Variants in RNH1 observed in about 807,000 individuals in gnomAD.
The protein encoded by RNH1 is ribonuclease inhibitor.
Under a neutral mutation model 46.1 loss-of-function variants are expected in RNH1, and 38 were observed. The ratio of observed to expected loss-of-function variants is 0.82; its 90% CI spans 0.64 to 1.08. RNH1 has a LOEUF of 1.08. Among genes scored for constraint, RNH1 ranks in the 50% least tolerant of loss-of-function variants. The probability of loss-of-function intolerance (pLI) is 0.00; values close to 1 mark genes in which losing one functional copy is unlikely to be tolerated. For synonymous variants in RNH1, 319 were observed against 279.1 expected, an observed-to-expected ratio of 1.14 and a Z score of -1.43; for missense variants, 577 against 590.7, an observed-to-expected ratio of 0.98 and a Z score of 0.24.
Position 502,003 on chromosome 11 carries a change from G to A in RNH1, c.101+59C>T. Reference sequence around the variant, plus strand: ...CAGAGCAATGCACCCTTCAGAGGGAGCCGCCACCCGCCAGCCTGCCCCACC... The same window carrying A: ...CAGAGCAATGCACCCTTCAGAGGGAACCGCCACCCGCCAGCCTGCCCCACC... On this transcript the variant is annotated intron_variant, in intron 3 of 10. Transcript: ENST00000354420. This position sits in a 1 kb window ranked among gnomAD's most constrained non-coding sequence, Gnocchi z 5.8. The A allele has an allele frequency of 1.7e-5, 20 of 1,211,484 alleles. No individual in the cohort carries two copies. Among genetic ancestry groups the A allele is most frequent in the Non-Finnish European group, 2.4e-5 (20 of 838,662 alleles). The allele number at this position is 1,211,484 out of a possible 1,614,324, so 75.0% of individuals were successfully genotyped here.
intron 1 of RNH1, chr11:505,731 T>C (rs1194818996): frequency 3.3e-5 from 5 of 152,206 alleles, no homozygotes; most frequent in Non-Finnish European, 7.3e-5. Flanking sequence ...GCTAATTTTT[T>C]CTATCTTTTG....
Position 498,527 on chromosome 11 carries a change from G to C in RNH1, c.886C>G (p.Leu296Val). 1 of 1,613,252 alleles carries C rather than the reference G, an allele frequency of 6.2e-7. No individual in the cohort carries two copies. The highest frequency in any genetic ancestry group is 8.5e-7 in the Non-Finnish European group (1 of 1,180,000). Residue 296 changes from leucine to valine, a missense_variant, in exon 8 of 11, where the codon CTG becomes GTG. Coordinates refer to ENST00000354420, the MANE Select transcript of RNH1 (RefSeq NM_203387.3). ...LKELSLAGNE[L>V]GDEGARLLCE... ...AGCAGTCGGGCACCCTCATCCCCCA[G>C]CTCGTTGCCGGCCAGGCTGAGCTCC...
rs766801780 is a variant in RNH1 at position 500,599 on chromosome 11, G to A, written c.157C>T (p.Arg53Ter). The A allele has an allele frequency of 3.8e-5, 61 of 1,609,808 alleles. No individual in the cohort carries two copies. The highest frequency in any genetic ancestry group is 1.6e-4 in the Middle Eastern group (1 of 6,080). ...ARCKDISSAL[R>*]VNPALAELNL... Reference sequence around the variant, plus strand: ...AGCTCTGCCAGTGCAGGGTTGACTCGAAGTGCAGAGCTGATGTCCTTGCAC... The same window carrying A: ...AGCTCTGCCAGTGCAGGGTTGACTCAAAGTGCAGAGCTGATGTCCTTGCAC... The change falls in exon 4 of 11, where the codon CGA becomes TGA. Residue 53 changes from arginine (R) to a stop codon, truncating the protein, a stop_gained. Transcript: ENST00000354420. LOFTEE classifies it high-confidence loss of function.
rs745872767 is a variant in RNH1, at chr11:499,082, T to C, written c.547A>G (p.Asn183Asp). ...CACAGCACACGGACGCCAGCCTCAT[T>C]GATGTCGTTGTTGCTAACCGTGAGC... ...KELTVSNNDI[N>D]EAGVRVLCQG... is the part of the protein sequence containing the mutation. Residue 183 changes from asparagine to aspartate, a missense_variant, in exon 6 of 11, where the codon AAT becomes GAT. Physicochemically the swap from Asn to Asp is conservative, Grantham distance 23. Transcript: ENST00000354420. 1.9e-6 allele frequency: 3 copies of C among 1,613,482 alleles called. No individual in the cohort carries two copies. Among genetic ancestry groups the C allele is most frequent in the Non-Finnish European group, 2.5e-6 (3 of 1,179,972 alleles).
rs756516594 is a variant in RNH1, at chr11:494,864, G to A, written c.1298+19C>T. On this transcript the variant is annotated intron_variant, in intron 10 of 10. Coordinates refer to ENST00000354420, the MANE Select transcript of RNH1 (RefSeq NM_203387.3). ...CTGGGCAGCCCTGGCCGCACCACCC[G>A]CCCAGCGCGTGCACATACACCAGCT... 5.6e-6 allele frequency: 9 copies of A among 1,607,850 alleles called. No homozygotes were observed. Among genetic ancestry groups the A allele is most frequent in the Middle Eastern group, 1.6e-4 (1 of 6,078 alleles).
chr11:494,778 G>A lies in RNH1; in HGVS notation c.1299C>T (p.Val433=), dbSNP rs774446398. 6 of 1,613,774 alleles carry A rather than the reference G, an allele frequency of 3.7e-6. No individual in the cohort carries two copies. The highest frequency in any genetic ancestry group is 2.2e-5 in the East Asian group (1 of 44,880). ...CCTCAGACCAGTAAATGTCGTACAG[G>A]CTGCACACAGGCCAGAAGGGAGGCA... is the stretch of plus-strand genomic sequence containing the variant. ...RQPGCLLEQL[V]LYDIYWSEEM... Residue 433 remains valine (V), a splice_region_variant and synonymous_variant, in exon 11 of 11, where the codon GTC becomes GTT. Coordinates refer to ENST00000354420, the MANE Select transcript of RNH1 (RefSeq NM_203387.3).
chr11:497,781 TCA>T lies in RNH1; in HGVS notation c.1127+188_1127+189del, dbSNP rs201561469. Reference sequence around the variant, plus strand: ...TGCTCACACGGACACGTGCTCACTCTCACATGCTCACGGACACCCATGCTCAC... The same window carrying T: ...TGCTCACACGGACACGTGCTCACTCTCATGCTCACGGACACCCATGCTCAC... On this transcript the variant is annotated intron_variant, in intron 9 of 10. Coordinates refer to ENST00000354420, the MANE Select transcript of RNH1 (RefSeq NM_203387.3). 2.4e-4 allele frequency among the ~76,000 whole-genome samples: 36 copies of T among 150,002 alleles called. No individual in the cohort carries two copies. The Middle Eastern group carries it at 0.01, about 43-fold the overall frequency.
chr11:494,638 C>A lies in RNH1; in HGVS notation c.*53G>T. The A allele has an allele frequency of 6.5e-7, 1 of 1,547,632 alleles. No individual in the cohort carries two copies. The highest frequency in any genetic ancestry group is 8.9e-7 in the Non-Finnish European group (1 of 1,122,006). On this transcript the variant is annotated 3_prime_UTR_variant, in exon 11 of 11. Coordinates refer to ENST00000354420, the MANE Select transcript of RNH1 (RefSeq NM_203387.3). ...GAGAGCATGGCAGGGGCTGGTGGGC[C>A]CCAGGGTTGCCTCGAGGCCGGTCGT... is the stretch of plus-strand genomic sequence containing the variant.
chr11:498,628 C>A lies in RNH1; in HGVS notation c.786-1G>T. On this transcript the variant is annotated splice_acceptor_variant, in intron 7 of 10. Coordinates refer to ENST00000354420, the MANE Select transcript of RNH1 (RefSeq NM_203387.3). LOFTEE classifies it high-confidence loss of function. ...GGCAGTGATGCCACACTCCCAGATC[C>A]TGCAGGACATGGACCACCACAGACT... 6.2e-7 allele frequency: 1 copy of A among 1,612,014 alleles called. No homozygotes were observed. Among genetic ancestry groups the A allele is most frequent in the Non-Finnish European group, 8.5e-7 (1 of 1,179,978 alleles).
In RNH1 at chr11:499,565, T is replaced by C. The variant is rs778839656; in HGVS notation, c.443+264A>G. The C allele has an allele frequency of 2.4e-5, 17 of 703,596 alleles. No individual in the cohort carries two copies. In the South Asian group the frequency reaches 2.5e-4, roughly 11 times the overall value. 43.6% of individuals were successfully genotyped at this position (703,596 alleles called of 1,614,324 possible). A position where few individuals can be genotyped will look rare whatever the true frequency, so the allele number is the denominator to read the frequency against. ...CACGGCCAGGCATCTGTTCCCACCG[T>C]CGGGTCCTGGGGCAGCTGTGCCTTG... On this transcript the variant is annotated intron_variant, in intron 5 of 10. Coordinates refer to ENST00000354420, the MANE Select transcript of RNH1 (RefSeq NM_203387.3).
At chr11:497,888 A>T in intron 9 of RNH1, 83 bp downstream of exon 9, 1 of 1,488,018 alleles carries the variant, frequency 6.7e-7, no homozygotes, top group Admixed American at 1.9e-5. Flanking sequence ...GCTCACACAG[A>T]TACTCGTGCA....
intron 5 of RNH1, 184 bp downstream of exon 5, chr11:499,645 A>C (rs944952050): frequency 1.3e-6 from 1 of 763,158 alleles, no homozygotes; most frequent in Non-Finnish European, 2.2e-6. Flanking sequence ...CAGCCCCAGC[A>C]TCATGGGGAG....
intron 2 of RNH1, among the ~76,000 whole-genome samples, chr11:504,119 A>G (rs1850008159): frequency 6.6e-6 from 1 of 152,158 alleles, no homozygotes. Flanking sequence ...CGCAGCACCC[A>G]AGGCCTGGGC....
In RNH1 at chr11:497,962, C is replaced by G; in HGVS notation, c.1127+9G>C. 3.1e-6 allele frequency: 5 copies of G among 1,611,240 alleles called. No homozygotes were observed. The highest frequency in any genetic ancestry group is 1.7e-5 in the Admixed American group (1 of 59,680). ...CAAATGTGCATACTCGTGTCCCTCA[C>G]ACACTCACCAGAGCACCCGCAGCAC... On this transcript the variant is annotated intron_variant, in intron 9 of 10. Coordinates refer to ENST00000354420, the MANE Select transcript of RNH1 (RefSeq NM_203387.3).
intron 9 of RNH1, among the ~76,000 whole-genome samples, chr11:496,639 A>G (rs1289147417): frequency 1.4e-4 from 22 of 152,210 alleles, no homozygotes; most frequent in Admixed American, 1.4e-3. Context: ...ACTGCACTCC[A>G]GCCTGGGCGA....
chr11:498,669 T>A lies in RNH1; in HGVS notation c.786-42A>T, dbSNP rs375044203. On this transcript the variant is annotated intron_variant, in intron 7 of 10. Coordinates refer to ENST00000354420, the MANE Select transcript of RNH1 (RefSeq NM_203387.3). The stretch of plus-strand genomic sequence containing the variant: ...ACCACAGACTTTCCTCAGCACCGTC[T>A]CATGGCCTGAGATGAGCCCAGGGGC... 1.2e-5 allele frequency: 19 copies of A among 1,606,786 alleles called. No individual in the cohort carries two copies. The African/African-American group carries it at 2.0e-4, about 17-fold the overall frequency.
Position 501,814 on chromosome 11 carries a change from C to G in RNH1, c.101+248G>C. 1.8e-6 allele frequency: 1 copy of G among 540,678 alleles called. No individual in the cohort carries two copies. The highest frequency in any genetic ancestry group is 2.2e-5 in the South Asian group (1 of 44,716). The allele number at this position is 540,678 out of a possible 1,614,324, so 33.5% of individuals were successfully genotyped here. On this transcript the variant is annotated intron_variant, in intron 3 of 10. Coordinates refer to ENST00000354420, the MANE Select transcript of RNH1 (RefSeq NM_203387.3). The surrounding 1 kb of genome is among the most constrained non-coding windows in gnomAD (Gnocchi z 4.1). ...CTGAGACACCGGAGCCAGAGACCCA[C>G]TGGCCAGTGGCCGCCCACCTCGGCC...
rs993309522 is a variant in RNH1 at position 501,786 on chromosome 11, G to A, written c.101+276C>T. The A allele has an allele frequency of 2.8e-5, 14 of 495,256 alleles. No homozygotes were observed. Among genetic ancestry groups the A allele is most frequent in the Non-Finnish European group, 3.7e-5 (10 of 271,730 alleles). 30.7% of individuals were successfully genotyped at this position (495,256 alleles called of 1,614,324 possible). On this transcript the variant is annotated intron_variant, in intron 3 of 10. Transcript: ENST00000354420. The surrounding 1 kb of genome is among the most constrained non-coding windows in gnomAD (Gnocchi z 4.1). The stretch of plus-strand genomic sequence containing the variant: ...CCTCGTGTCTCCAAGGGAGGGAGAG[G>A]AGCTGAGACACCGGAGCCAGAGACC...
In RNH1 at chr11:495,136, C is replaced by T. The variant is rs1052942274; in HGVS notation, c.1128-83G>A. The T allele has an allele frequency of 1.4e-5, 20 of 1,382,574 alleles. 1 individual carries two copies. The highest frequency in any genetic ancestry group is 1.3e-4 in the African/African-American group (9 of 69,490). The allele number at this position is 1,382,574 out of a possible 1,614,324, so 85.6% of individuals were successfully genotyped here. A position where few individuals can be genotyped will look rare whatever the true frequency, so the allele number is the denominator to read the frequency against. ...GCAGAGCAGGCCTGGGCCTGGGGGGCGCGACGGACACCTGTGCTCGGCAAC... is the reference window on the plus strand; with the variant it reads ...GCAGAGCAGGCCTGGGCCTGGGGGGTGCGACGGACACCTGTGCTCGGCAAC... On this transcript the variant is annotated intron_variant, in intron 9 of 10. Coordinates refer to ENST00000354420, the MANE Select transcript of RNH1 (RefSeq NM_203387.3).
Sources: allele counts gnomAD v4.1 joint callset (sites outside exome capture counted in the v4.1 genomes callset), GRCh38; gene constraint gnomAD v4.1.1; non-coding constraint Gnocchi (gnomAD v3.1); transcripts MANE v1.5; gene names NCBI Gene and HGNC (gene_info 2026-07-23, HGNC 2026-07-21).